STX3: variants seen among roughly 807,000 people sequenced by gnomAD.
STX3 encodes syntaxin-3.
Under a neutral mutation model 40.2 loss-of-function variants are expected in STX3, and 19 were observed. That is an observed-to-expected ratio of 0.47 (90% CI 0.33 to 0.69). STX3 has a LOEUF of 0.69. Ranked by LOEUF, STX3 falls within the 30% of genes least tolerant of loss-of-function variation. STX3 has a pLI of 0.02. For missense variants in STX3, 364 were observed against 366.7 expected (o/e 0.99, Z 0.06); for synonymous variants, 122 against 132.2 (o/e 0.92, Z 0.53).
chr11:59,772,974 A>AACAC (rs3035302), intron 1 of STX3, among the ~76,000 whole-genome samples: 6,916 of 140,616 alleles, frequency 0.049, 173 homozygotes, highest in Non-Finnish European at 0.062. Flanking sequence ...CCCTGAAAGA[A>AACAC]ACACACACAC....
chr11:59,797,351 C>T lies in STX3; in HGVS notation c.855C>T (p.Ser285=), dbSNP rs749753576. 25 of 1,613,858 alleles carry T rather than the reference C, an allele frequency of 1.5e-5. No individual in the cohort carries two copies. Among genetic ancestry groups the T allele is most frequent in the Admixed American group, 5.0e-5 (3 of 59,986 alleles). ...TTTTAGCATTGATTATTGGACTTTC[C>T]GTTGGGCTGAATTAAGAGTGGCCTA... ...LGILALIIGL[S]VGLN is the part of the protein sequence containing the mutation. The change falls in exon 10 of 11, where the codon TCC becomes TCT. Residue 285 remains serine (S), a synonymous_variant. Transcript: ENST00000337979.
Position 59,802,256 on chromosome 11 carries a change from G to C in STX3, c.*1432G>C. ...ATGGAAACAGCAGCAGCAGCCGCTAGGAAATCTTCAAGTGTAGTGTCTGTG... is the reference window on the plus strand; with the variant it reads ...ATGGAAACAGCAGCAGCAGCCGCTACGAAATCTTCAAGTGTAGTGTCTGTG... On this transcript the variant is annotated 3_prime_UTR_variant, in exon 11 of 11. Coordinates refer to ENST00000337979, the MANE Select transcript of STX3 (RefSeq NM_004177.5). 1 of 985,482 alleles carries C rather than the reference G, an allele frequency of 1.0e-6. No individual in the cohort carries two copies. The highest frequency in any genetic ancestry group is 1.2e-6 in the Non-Finnish European group (1 of 829,976). 61.0% of individuals were successfully genotyped at this position (985,482 alleles called of 1,614,324 possible).
chr11:59,774,779 C>G (rs867167097), intron 2 of STX3, among the ~76,000 whole-genome samples: 1 of 151,968 alleles, frequency 6.6e-6, no homozygotes, highest in Non-Finnish European at 1.5e-5. Context: ...TGCAGTGAGC[C>G]GAGATTGCGC....
At chr11:59,758,658 C>G (rs1490850826) in intron 1 of STX3, among the ~76,000 whole-genome samples, 1 of 152,206 alleles carries the variant, frequency 6.6e-6, no homozygotes, top group Non-Finnish European at 1.5e-5. Flanking sequence ...GCTCCCTCGA[C>G]AGCCTGCTTT....
intron 4 of STX3, 75 bp from the exon 5 acceptor site, chr11:59,790,444 G>A: frequency 2.6e-6 from 3 of 1,172,174 alleles, no homozygotes; most frequent in Non-Finnish European, 2.6e-6. Flanking sequence ...GGGAATGAGT[G>A]AGGAAGTTTC....
chr11:59,801,979 AG>A lies in STX3; in HGVS notation c.*1156del, dbSNP rs1325933382. 2.0e-6 allele frequency: 2 copies of A among 985,348 alleles called. No individual in the cohort carries two copies. Among genetic ancestry groups the A allele is most frequent in the African/African-American group, 3.5e-5 (2 of 57,254 alleles). The allele number at this position is 985,348 out of a possible 1,614,324, so 61.0% of individuals were successfully genotyped here. ...AGAATAAAATGAGAACTCTGGAGTG[AG>A]CTAAATTGATCCCAATTAAGTTTTT... On this transcript the variant is annotated 3_prime_UTR_variant, in exon 11 of 11. Transcript: ENST00000337979.
At chr11:59,773,817 T>TA (rs1020451128) in intron 2 of STX3, among the ~76,000 whole-genome samples, 1 of 151,874 alleles carries the variant, frequency 6.6e-6, no homozygotes, top group Non-Finnish European at 1.5e-5. Context: ...CTGCCTCTAC[T>TA]AAAAATACAA....
chr11:59,770,166 AGG>A lies in STX3; in HGVS notation c.31-3042_31-3041del, dbSNP rs577421873. ...CATGTGTGTATAGGGTGTGCGTGTA[AGG>A]GGTGTGTGTGTGTGCTGTATGTGTA... On this transcript the variant is annotated intron_variant, in intron 1 of 10. Transcript: ENST00000337979. Among the ~76,000 whole-genome samples, 217 of 141,920 alleles carry A rather than the reference AGG, an allele frequency of 1.5e-3. 1 individual carries two copies. The highest frequency in any genetic ancestry group is 2.8e-3 in the Non-Finnish European group (180 of 65,134). 93.1% of individuals were successfully genotyped at this position (141,920 alleles called of 152,430 possible).
chr11:59,795,109 T>C (rs948235294), intron 8 of STX3, among the ~76,000 whole-genome samples: 10 of 152,222 alleles, frequency 6.6e-5, no homozygotes, highest in Non-Finnish European at 1.5e-4. Context: ...AGGTAGTTAC[T>C]AGGTATCTAG....
chr11:59,800,685 T>G, intron 10 of STX3, 170 bp from the exon 11 acceptor site: 1 of 985,396 alleles, frequency 1.0e-6, no homozygotes, highest in Non-Finnish European at 1.2e-6. Flanking sequence ...GTAGGGCTTT[T>G]TGTTCTTTGT....
intron 5 of STX3, among the ~76,000 whole-genome samples, chr11:59,790,891 G>GT (rs984270804): frequency 2.0e-5 from 3 of 152,104 alleles, no homozygotes; most frequent in Admixed American, 6.5e-5. Flanking sequence ...TCTAACAATT[G>GT]TTAGTCATTG....
At chr11:59,758,593 A>T (rs1245743737) in intron 1 of STX3, among the ~76,000 whole-genome samples, 5 of 152,210 alleles carry the variant, frequency 3.3e-5, no homozygotes, top group African/African-American at 1.2e-4. Context: ...TGGTCACAAG[A>T]TCTGACTCAC....
At chr11:59,787,223 G>A in intron 3 of STX3, 87 bp downstream of exon 3, 7 of 1,141,512 alleles carry the variant, frequency 6.1e-6, no homozygotes, top group Non-Finnish European at 9.1e-6. Context: ...TTCGTGAGCA[G>A]TAGGGAAGTG....
rs1865971707 is a variant in STX3 at position 59,803,418 on chromosome 11, A to C, written c.*2594A>C. ...TTAGGTGCTAATAATGGTTAGAGAAAACTAAAGAAAGGGATGTTTCAGAGA... is the reference window on the plus strand; with the variant it reads ...TTAGGTGCTAATAATGGTTAGAGAACACTAAAGAAAGGGATGTTTCAGAGA... On this transcript the variant is annotated 3_prime_UTR_variant, in exon 11 of 11. Transcript: ENST00000337979. The C allele has an allele frequency of 1.9e-6, 1 of 538,418 alleles. No individual in the cohort carries two copies. The highest frequency in any genetic ancestry group is 2.0e-5 in the African/African-American group (1 of 50,974). 33.4% of individuals were successfully genotyped at this position (538,418 alleles called of 1,614,324 possible). A position where few individuals can be genotyped will look rare whatever the true frequency, so the allele number is the denominator to read the frequency against.
intron 2 of STX3, among the ~76,000 whole-genome samples, chr11:59,786,046 A>C (rs1864747211): frequency 6.6e-6 from 1 of 152,084 alleles, no homozygotes; most frequent in South Asian, 2.1e-4. Context: ...TATGATACTC[A>C]CAGCCTTGTA....
Position 59,801,862 on chromosome 11 carries a change from G to C in STX3, c.*1038G>C. On this transcript the variant is annotated 3_prime_UTR_variant, in exon 11 of 11. Coordinates refer to ENST00000337979, the MANE Select transcript of STX3 (RefSeq NM_004177.5). ...AACTTTGAGCTAGGATAAAAATTGG[G>C]TAAAGGACATTTGCTTACCTGCAAA... 1.0e-6 allele frequency: 1 copy of C among 985,458 alleles called. No individual in the cohort carries two copies. Among genetic ancestry groups the C allele is most frequent in the Non-Finnish European group, 1.2e-6 (1 of 829,890 alleles). 61.0% of individuals were successfully genotyped at this position (985,458 alleles called of 1,614,324 possible). A position where few individuals can be genotyped will look rare whatever the true frequency, so the allele number is the denominator to read the frequency against.
chr11:59,760,411 GT>G (rs552769203), intron 1 of STX3, among the ~76,000 whole-genome samples: 9,152 of 144,206 alleles, frequency 0.063, 303 homozygotes, highest in African/African-American at 0.095. Context: ...TAGGTTGTGG[GT>G]TTTTTTTTTT....
In STX3 at chr11:59,793,382, C is replaced by G; in HGVS notation, c.543C>G (p.Ile181Met). The part of the protein sequence containing the change: ...SGNPAIFTSG[I>M]IDSQISKQAL... ...AGTCTGTGTGTGGCCTGTTGTAGAT[C>G]ATTGACTCACAGATTTCCAAGCAAG... Residue 181 changes from isoleucine to methionine, a missense_variant and splice_region_variant, in exon 8 of 11, where the codon ATC becomes ATG. Ile to Met is a conservative substitution (Grantham distance 10). Coordinates refer to ENST00000337979, the MANE Select transcript of STX3 (RefSeq NM_004177.5). 3 of 1,613,560 alleles carry G rather than the reference C, an allele frequency of 1.9e-6. No individual in the cohort carries two copies. Among genetic ancestry groups the G allele is most frequent in the Non-Finnish European group, 2.5e-6 (3 of 1,179,670 alleles).
At chr11:59,791,261 G>A (rs1238167667) in intron 5 of STX3, among the ~76,000 whole-genome samples, 1 of 152,196 alleles carries the variant, frequency 6.6e-6, no homozygotes, top group Non-Finnish European at 1.5e-5. Context: ...CAGACGTGAA[G>A]ACAATAGGCT....
Sources: gnomAD v4.1 joint callset for allele counts (sites outside exome capture counted in the v4.1 genomes callset) on GRCh38, gnomAD v4.1.1 for gene constraint, MANE v1.5 for transcripts, NCBI Gene and HGNC (gene_info 2026-07-23, HGNC 2026-07-21) for gene names.